Variants in ROBO2 observed in about 807,000 individuals in gnomAD.
ROBO2 encodes the protein roundabout guidance receptor 2.
In ROBO2, 53 loss-of-function variants were observed where a neutral mutation model predicts 160.8. The ratio of observed to expected loss-of-function variants is 0.33; its 90% confidence interval spans 0.26 to 0.41. The LOEUF is 0.41. Among genes scored for constraint, ROBO2 ranks in the 10% least tolerant of loss-of-function variants. The pLI is 1.00. For synonymous variants in ROBO2, 664 were observed against 611.7 expected (o/e 1.09, Z -1.26); for missense variants, 1,577 against 1,722.4 (o/e 0.92, Z 1.49).
intron 20 of ROBO2, among the ~76,000 whole-genome samples, chr3:77,607,444 A>G (rs762190435): frequency 6.6e-6 from 1 of 152,208 alleles, no homozygotes; most frequent in Non-Finnish European, 1.5e-5. Flanking sequence ...AAAGAGCATT[A>G]TAAGTGTACT....
chr3:76,182,524 A>C (rs1701556020), intron 2 of ROBO2, among the ~76,000 whole-genome samples: 1 of 152,086 alleles, frequency 6.6e-6, no homozygotes, highest in African/African-American at 2.4e-5. Flanking sequence ...GGCCTTGCTA[A>C]AATATTGATT....
intron 2 of ROBO2, among the ~76,000 whole-genome samples, chr3:76,377,935 A>C (rs1193029043): frequency 1.3e-5 from 2 of 152,120 alleles, no homozygotes; most frequent in African/African-American, 4.8e-5. Flanking sequence ...TGGTTCCTGA[A>C]CACTAATGCA....
rs147325763 is a variant in ROBO2, at chr3:75,995,901, C to G, written c.109+58299C>G. The stretch of plus-strand genomic sequence containing the variant: ...ACTACCTCACTGGATTTTGGACTTG[C>G]ATGGGCCTGTATCCCTTTTGTTTTG... On this transcript the variant is annotated intron_variant, in intron 2 of 26. Transcript: ENST00000487694. 7.3e-4 allele frequency among the ~76,000 whole-genome samples: 111 copies of G among 152,312 alleles called. 3 individuals are homozygous for G. The East Asian group carries it at 0.021, about 29-fold the overall frequency.
At chr3:76,495,703 A>G (rs1312046991) in intron 2 of ROBO2, among the ~76,000 whole-genome samples, 1 of 152,160 alleles carries the variant, frequency 6.6e-6, no homozygotes, top group Non-Finnish European at 1.5e-5. Flanking sequence ...AACTGGGTGA[A>G]AATGTTCACA....
intron 2 of ROBO2, among the ~76,000 whole-genome samples, chr3:76,820,040 G>A (rs577128482): frequency 6.6e-6 from 1 of 152,078 alleles, no homozygotes; most frequent in Non-Finnish European, 1.5e-5. Flanking sequence ...GGTAAATCAT[G>A]AGTGACAGCC....
intron 5 of ROBO2, among the ~76,000 whole-genome samples, chr3:77,497,292 T>C (rs1197773096): frequency 2.0e-5 from 3 of 152,118 alleles, no homozygotes; most frequent in Admixed American, 2.0e-4. Context: ...TTCATAACAC[T>C]AACGTGAGAA....
chr3:76,391,052 A>G (rs1189587507), intron 2 of ROBO2, among the ~76,000 whole-genome samples: 1 of 152,126 alleles, frequency 6.6e-6, no homozygotes, highest in Admixed American at 6.5e-5. Context: ...TCTTCAGCAC[A>G]GTGCCTAGTA....
At chr3:76,275,418 A>G (rs1229817537) in intron 2 of ROBO2, among the ~76,000 whole-genome samples, 1 of 152,154 alleles carries the variant, frequency 6.6e-6, no homozygotes, top group African/African-American at 2.4e-5. Flanking sequence ...TGCCTAGTCC[A>G]GAGCAGGCAC....
At chr3:76,485,164 AT>A (rs2079426698) in intron 2 of ROBO2, among the ~76,000 whole-genome samples, 1 of 152,056 alleles carries the variant, frequency 6.6e-6, no homozygotes, top group Admixed American at 6.6e-5. Flanking sequence ...GTAATACATC[AT>A]GAAAAAGTAT....
At chr3:76,554,057 G>A (rs978123520) in intron 2 of ROBO2, among the ~76,000 whole-genome samples, 1 of 152,078 alleles carries the variant, frequency 6.6e-6, no homozygotes, top group African/African-American at 2.4e-5. Flanking sequence ...ATTTTAGCAT[G>A]GTTTATAATC....
intron 2 of ROBO2, among the ~76,000 whole-genome samples, chr3:76,290,307 G>A (rs1246345669): frequency 6.6e-6 from 1 of 151,982 alleles, no homozygotes; most frequent in Non-Finnish European, 1.5e-5. Flanking sequence ...TAATATGAAT[G>A]GAATTTGGTT....
intron 21 of ROBO2, among the ~76,000 whole-genome samples, chr3:77,613,577 A>G (rs1365300384): frequency 6.6e-6 from 1 of 152,208 alleles, no homozygotes; most frequent in East Asian, 1.9e-4. Flanking sequence ...TGTTTAACTT[A>G]ATAATGTGGC....
chr3:76,528,377 A>G (rs141696384), intron 2 of ROBO2, among the ~76,000 whole-genome samples: 1 of 152,180 alleles, frequency 6.6e-6, no homozygotes, highest in African/African-American at 2.4e-5. Context: ...GAAGGTGGGT[A>G]GAATTGATAG....
intron 2 of ROBO2, among the ~76,000 whole-genome samples, chr3:76,819,579 G>T (rs1011517926): frequency 6.6e-5 from 10 of 152,070 alleles, no homozygotes; most frequent in African/African-American, 2.4e-4. Flanking sequence ...GTGATCTCTG[G>T]GTCAGTTACA....
At chr3:76,731,746 T>C (rs992192823) in intron 2 of ROBO2, among the ~76,000 whole-genome samples, 3 of 152,240 alleles carry the variant, frequency 2.0e-5, no homozygotes, top group Non-Finnish European at 4.4e-5. Context: ...CTGGTACTCA[T>C]ACAATTCTCT....
intron 2 of ROBO2, among the ~76,000 whole-genome samples, chr3:77,402,413 T>C (rs926331913): frequency 6.6e-6 from 1 of 151,772 alleles, no homozygotes; most frequent in African/African-American, 2.4e-5. Flanking sequence ...TGCACGTGTG[T>C]CCCAGAACTT....
intron 2 of ROBO2, among the ~76,000 whole-genome samples, chr3:77,299,180 T>A (rs376516453): frequency 1.3e-5 from 2 of 152,262 alleles, no homozygotes; most frequent in East Asian, 3.9e-4. Flanking sequence ...TAAGTTGAGA[T>A]GGCAAGTTGG....
rs1378279205 is a variant in ROBO2 at position 77,297,639 on chromosome 3, T to C, written c.389-179775T>C. On this transcript the variant is annotated intron_variant, in intron 2 of 25. Coordinates refer to ENST00000461745, the Ensembl canonical transcript of ROBO2. ...TTTTCAAAAGTCAGTCTCTCGGATC[T>C]AACTTTAAAGATATGTACTTCTAAC... Among the ~76,000 whole-genome samples the C allele has an allele frequency of 2.6e-5, 4 of 152,296 alleles. No homozygotes were observed. In the East Asian group the frequency reaches 7.7e-4, roughly 29 times the overall value.
At chr3:76,388,860 A>G (rs2077019309) in intron 2 of ROBO2, among the ~76,000 whole-genome samples, 1 of 152,132 alleles carries the variant, frequency 6.6e-6, no homozygotes, top group Admixed American at 6.5e-5. Context: ...GATAAATAGT[A>G]TTATATATTA....
Sources: gnomAD v4.1 joint callset for allele counts (sites outside exome capture counted in the v4.1 genomes callset) on GRCh38, gnomAD v4.1.1 for gene constraint, MANE v1.5 for transcripts, NCBI Gene and HGNC (gene_info 2026-07-23, HGNC 2026-07-21) for gene names.